The following FAT4 variants were observed in gnomAD, a reference collection of about 807,000 sequenced individuals.
FAT4 encodes the protein FAT atypical cadherin 4.
Under a neutral mutation model 303.9 loss-of-function variants are expected in FAT4, and 84 were observed. The observed-to-expected ratio is 0.28, with a 90% CI of 0.23 to 0.33. FAT4 has a LOEUF of 0.33. FAT4 is among the 10% of genes least tolerant of loss of function. The probability of loss-of-function intolerance (pLI) is 1.00; values close to 1 mark genes in which losing one functional copy is unlikely to be tolerated. For missense variants in FAT4, 6,005 were observed against 6,146.8 expected (o/e 0.98, Z 0.77); for synonymous variants, 2,307 against 2,298.8 (o/e 1.00, Z -0.10).
chr4:125,353,963 C>T (rs184521376), intron 2 of FAT4, among the ~76,000 whole-genome samples: 1 of 151,758 alleles, frequency 6.6e-6, no homozygotes, highest in Non-Finnish European at 1.5e-5. Context: ...GTTTTAATCG[C>T]ATGAGTAGAC....
At position 125,446,400 on chromosome 4, in the gene FAT4, T is replaced by C; in HGVS notation, c.7307T>C (p.Val2436Ala). The C allele has an allele frequency of 6.2e-7, 1 of 1,613,532 alleles. No individual in the cohort carries two copies. Among genetic ancestry groups the C allele is most frequent in the Non-Finnish European group, 8.5e-7 (1 of 1,179,574 alleles). The change falls in exon 9 of 18, where the codon GTA (valine) becomes GCA (alanine). Residue 2436 changes from valine to alanine, a missense_variant. By Grantham distance (64) the Val-to-Ala change is moderately conservative. Transcript: ENST00000394329. ...GAAACAAAAGATAATTATACTTTGGTAGTGGTCTGCAGTGATGCGGGATCC... is the reference window on the plus strand; with the variant it reads ...GAAACAAAAGATAATTATACTTTGGCAGTGGTCTGCAGTGATGCGGGATCC... Reference protein sequence around the residue: ...DRETKDNYTLVVVCSDAGSPE... With the variant: ...DRETKDNYTLAVVCSDAGSPE...
At chr4:125,401,177 C>T (rs983831885) in intron 3 of FAT4, among the ~76,000 whole-genome samples, 2 of 151,942 alleles carry the variant, frequency 1.3e-5, no homozygotes, top group Non-Finnish European at 2.9e-5. Context: ...AATTTAATAA[C>T]GTTTTAATAA....
chr4:125,355,022 A>G (rs1331046731), intron 2 of FAT4, among the ~76,000 whole-genome samples: 1 of 151,888 alleles, frequency 6.6e-6, no homozygotes, highest in Non-Finnish European at 1.5e-5. Flanking sequence ...ACATGAATAT[A>G]GAGAAATTTA....
In FAT4 at chr4:125,490,517, T is replaced by C. The variant is rs775764353; in HGVS notation, c.13701T>C (p.Tyr4567=). ...AFDDPDNIPP[Y]GDDMTVRKQP... is the part of the protein sequence containing the mutation. ...ATGACCCTGACAATATCCCTCCCTATGGGGATGACATGACTGTGAGGAAGC... is the reference window on the plus strand; with the variant it reads ...ATGACCCTGACAATATCCCTCCCTACGGGGATGACATGACTGTGAGGAAGC... Residue 4567 remains tyrosine, a synonymous_variant, in exon 18 of 18, where the codon TAT becomes TAC. Coordinates refer to ENST00000394329, the MANE Select transcript of FAT4 (RefSeq NM_001291303.3). 1 of 1,614,072 alleles carries C rather than the reference T, an allele frequency of 6.2e-7. No individual in the cohort carries two copies. Among genetic ancestry groups the C allele is most frequent in the Non-Finnish European group, 8.5e-7 (1 of 1,180,012 alleles).
intron 8 of FAT4, among the ~76,000 whole-genome samples, chr4:125,439,313 C>T (rs1205133142): frequency 1.3e-5 from 2 of 151,628 alleles, no homozygotes; most frequent in Non-Finnish European, 2.9e-5. Flanking sequence ...ACAAAGTCAA[C>T]ATTCTAAGGA....
Position 125,448,815 on chromosome 4 carries a change from C to G in FAT4, c.7805C>G (p.Ser2602Ter). 6.2e-7 allele frequency: 1 copy of G among 1,609,142 alleles called. No individual in the cohort carries two copies. Among genetic ancestry groups the G allele is most frequent in the Non-Finnish European group, 8.5e-7 (1 of 1,179,832 alleles). ...TCCTCTTTAAGAGGAGAACCTATGTCATATTATATCGCAAGTGGGAATCTT... is the reference window on the plus strand; with the variant it reads ...TCCTCTTTAAGAGGAGAACCTATGTGATATTATATCGCAAGTGGGAATCTT... ...TGSSLRGEPM[S>*]YYIASGNLGN... The change falls in exon 10 of 18, where the codon TCA (serine) becomes TGA (stop). Residue 2602 changes from serine to a stop codon, truncating the protein, a stop_gained. Transcript: ENST00000394329. LOFTEE classifies it high-confidence loss of function.
intron 15 of FAT4, 88 bp downstream of exon 15, chr4:125,479,953 A>G: frequency 5.8e-6 from 6 of 1,026,900 alleles, no homozygotes; most frequent in Non-Finnish European, 6.5e-6. Context: ...CAAATTAAAA[A>G]TTATGCTTTC....
intron 12 of FAT4, among the ~76,000 whole-genome samples, chr4:125,472,072 C>CA (rs774403195): frequency 0.33 from 24,070 of 73,194 alleles, 3,504 homozygotes; most frequent in African/African-American, 0.45. Context: ...GACTCTGTCT[C>CA]AAAAAAAAAA....
chr4:125,395,942 C>T (rs1455117025), intron 2 of FAT4, among the ~76,000 whole-genome samples: 1 of 151,852 alleles, frequency 6.6e-6, no homozygotes, highest in African/African-American at 2.4e-5. Context: ...GTAGTGATCC[C>T]CTAGTTTAGT....
Position 125,453,566 on chromosome 4 carries a change from C to T in FAT4, c.11800+756C>T, listed in dbSNP as rs530087953. 7.8e-4 allele frequency among the ~76,000 whole-genome samples: 119 copies of T among 152,114 alleles called. 2 individuals are homozygous for T. Among genetic ancestry groups the T allele is most frequent in the African/African-American group, 2.7e-3 (111 of 41,516 alleles). ...ACTAAAAATGCAAAAATTAACTGGG[C>T]GCGGTGTTGTGCGCCTGTAGTCCCA... On this transcript the variant is annotated intron_variant, in intron 10 of 17. Coordinates refer to ENST00000394329, the MANE Select transcript of FAT4 (RefSeq NM_001291303.3).
chr4:125,491,757 C>A lies in FAT4; in HGVS notation c.14941C>A (p.Gln4981Lys). Residue 4981 changes from glutamine to lysine, a missense_variant, in exon 18 of 18, where the codon CAG becomes AAG. Physicochemically the swap from Gln to Lys is moderately conservative, Grantham distance 53. Transcript: ENST00000394329. ...AGTCCCCAAAGATGGGGAAGCAGAA[C>A]AGTATGTGTGAAGTTTATGTACTGG... Reference protein sequence around the residue: ...KPVPKDGEAEQYV With the variant: ...KPVPKDGEAEKYV 1 of 1,610,454 alleles carries A rather than the reference C, an allele frequency of 6.2e-7. No homozygotes were observed. The highest frequency in any genetic ancestry group is 8.5e-7 in the Non-Finnish European group (1 of 1,178,326).
At position 125,490,799 on chromosome 4, in the gene FAT4, T is replaced by A; in HGVS notation, c.13983T>A (p.Phe4661Leu). 6.2e-7 allele frequency: 1 copy of A among 1,614,098 alleles called. No individual in the cohort carries two copies. The highest frequency in any genetic ancestry group is 8.5e-7 in the Non-Finnish European group (1 of 1,180,024). ...FSIQRHSPLGFARQSPMPLGA... is the reference protein window; with the variant it reads ...FSIQRHSPLGLARQSPMPLGA... The stretch of plus-strand genomic sequence containing the variant: ...TCCAGAGGCACAGTCCCCTAGGCTT[T>A]GCAAGGCAATCCCCCATGCCCTTAG... The change falls in exon 18 of 18, where the codon TTT becomes TTA. Residue 4661 changes from phenylalanine (F) to leucine (L), a missense_variant. Transcript: ENST00000394329.
intron 7 of FAT4, among the ~76,000 whole-genome samples, chr4:125,418,660 A>G (rs4834036): frequency 0.99 from 150,899 of 152,310 alleles, 74,764 homozygotes; most frequent in East Asian, 1. Context: ...AACAGAAAGT[A>G]TGGATATTCG....
intron 7 of FAT4, among the ~76,000 whole-genome samples, chr4:125,432,134 C>T (rs1202674230): frequency 6.6e-6 from 1 of 152,136 alleles, no homozygotes; most frequent in African/African-American, 2.4e-5. Context: ...CTGCCTGGTG[C>T]TCTTCTAGGC....
intron 8 of FAT4, among the ~76,000 whole-genome samples, chr4:125,441,738 T>G (rs1305123066): frequency 6.6e-6 from 1 of 152,146 alleles, no homozygotes; most frequent in African/African-American, 2.4e-5. Context: ...TAACCCCCAG[T>G]CTTCAAATTC....
intron 5 of FAT4, among the ~76,000 whole-genome samples, chr4:125,409,122 A>G (rs2126021804): frequency 6.6e-6 from 1 of 152,320 alleles, no homozygotes; most frequent in African/African-American, 2.4e-5. Flanking sequence ...AGATAAATAA[A>G]AATATTAGGT....
At chr4:125,386,266 A>AGTTTT (rs1207376448) in intron 2 of FAT4, among the ~76,000 whole-genome samples, 1 of 151,954 alleles carries the variant, frequency 6.6e-6, no homozygotes, top group African/African-American at 2.4e-5. Flanking sequence ...AGGCTTTCTG[A>AGTTTT]GTTTTGTTTT....
At chr4:125,417,142 T>G (rs1466116688) in intron 7 of FAT4, among the ~76,000 whole-genome samples, 1 of 152,174 alleles carries the variant, frequency 6.6e-6, no homozygotes, top group Non-Finnish European at 1.5e-5. Flanking sequence ...CATCGCCACC[T>G]AAGCCCTATT....
chr4:125,376,498 A>C (rs983079740), intron 2 of FAT4, among the ~76,000 whole-genome samples: 1 of 152,214 alleles, frequency 6.6e-6, no homozygotes, highest in South Asian at 2.1e-4. Flanking sequence ...TACCTAATGT[A>C]AATGACGAGT....
Sources: gnomAD v4.1 joint callset for allele counts (sites outside exome capture counted in the v4.1 genomes callset) on GRCh38, gnomAD v4.1.1 for gene constraint, MANE v1.5 for transcripts, NCBI Gene and HGNC (gene_info 2026-07-23, HGNC 2026-07-21) for gene names.